Variants in GRIA4 observed in about 807,000 individuals in gnomAD.
GRIA4 encodes the protein glutamate receptor 4.
GRIA4 carries 34 observed loss-of-function variants against 104.0 expected under a neutral mutation model. That is an observed-to-expected ratio of 0.33 (90% CI 0.25 to 0.44). The LOEUF is 0.44. GRIA4 is among the 20% of genes least tolerant of loss of function. The pLI is 1.00. For missense variants in GRIA4, 750 were observed against 1,096.5 expected, an observed-to-expected ratio of 0.68 and a Z score of 4.46; for synonymous variants, 386 against 381.9, an observed-to-expected ratio of 1.01 and a Z score of -0.13.
chr11:105,861,544 T>A (rs1238239780), intron 4 of GRIA4, among the ~76,000 whole-genome samples: 1 of 151,526 alleles, frequency 6.6e-6, no homozygotes, highest in Non-Finnish European at 1.5e-5. Context: ...GAATAATGAG[T>A]CCTCAATAAA....
At chr11:105,893,652 G>T (rs1163648443) in intron 6 of GRIA4, among the ~76,000 whole-genome samples, 1 of 152,134 alleles carries the variant, frequency 6.6e-6, no homozygotes, top group African/African-American at 2.4e-5. Flanking sequence ...TGATTTTTCT[G>T]AAGGCTGCAG....
intron 4 of GRIA4, among the ~76,000 whole-genome samples, chr11:105,809,706 G>A (rs1464514062): frequency 6.6e-6 from 1 of 151,972 alleles, no homozygotes; most frequent in African/African-American, 2.4e-5. Flanking sequence ...GATTTTACGT[G>A]TCCTGAGGCC....
chr11:105,801,817 G>A (rs557315999), intron 4 of GRIA4, among the ~76,000 whole-genome samples: 1 of 152,174 alleles, frequency 6.6e-6, no homozygotes, highest in South Asian at 2.1e-4. Context: ...TTGTGCTTCT[G>A]ATCACTGAAG....
intron 3 of GRIA4, among the ~76,000 whole-genome samples, chr11:105,690,429 T>C (rs1953043070): frequency 6.6e-6 from 1 of 152,252 alleles, no homozygotes; most frequent in Admixed American, 6.5e-5. Context: ...AAATTTGCTG[T>C]GTATGGCTTA....
At chr11:105,911,781 T>C (rs1254399974) in intron 10 of GRIA4, 6 of 148,356 alleles carry the variant, frequency 4.0e-5, no homozygotes, top group Non-Finnish European at 2.8e-5. Flanking sequence ...AAGCAATATA[T>C]ATATATATAT....
chr11:105,644,146 A>C (rs1487951995), intron 3 of GRIA4, among the ~76,000 whole-genome samples: 4 of 152,210 alleles, frequency 2.6e-5, no homozygotes, highest in African/African-American at 9.6e-5. Context: ...CAACTCATCT[A>C]ATTTAAGGAG....
At chr11:105,805,311 A>C (rs1415804939) in intron 4 of GRIA4, among the ~76,000 whole-genome samples, 12 of 151,726 alleles carry the variant, frequency 7.9e-5, no homozygotes, top group Admixed American at 7.3e-4. Flanking sequence ...ATATAGATAG[A>C]AAAGGCGAAG....
intron 4 of GRIA4, among the ~76,000 whole-genome samples, chr11:105,790,382 T>C (rs559392084): frequency 6.6e-6 from 1 of 152,300 alleles, no homozygotes; most frequent in African/African-American, 2.4e-5. Flanking sequence ...AACTCTCTTT[T>C]GATCCATCAG....
At chr11:105,650,924 C>T (rs900339184) in intron 3 of GRIA4, among the ~76,000 whole-genome samples, 13 of 152,152 alleles carry the variant, frequency 8.5e-5, no homozygotes, top group African/African-American at 1.9e-4. Context: ...AAGATTATAT[C>T]GGTCAACAGG....
At chr11:105,874,424 A>G (rs968198184) in intron 5 of GRIA4, among the ~76,000 whole-genome samples, 8 of 152,088 alleles carry the variant, frequency 5.3e-5, no homozygotes, top group Non-Finnish European at 8.8e-5. Flanking sequence ...TCCATATGAA[A>G]TTTAAAGTAG....
At chr11:105,854,325 AAG>A (rs1372198391) in intron 4 of GRIA4, among the ~76,000 whole-genome samples, 1 of 152,170 alleles carries the variant, frequency 6.6e-6, no homozygotes, top group East Asian at 1.9e-4. Context: ...GTAGAAACCT[AAG>A]AACATAAAGG....
At chr11:105,860,956 GAAAA>G (rs55824302) in intron 4 of GRIA4, among the ~76,000 whole-genome samples, 10,029 of 105,782 alleles carry the variant, frequency 0.095, 398 homozygotes, top group Non-Finnish European at 0.13. Flanking sequence ...AAGACTGTCT[GAAAA>G]AAAAAAAAAA....
chr11:105,641,027 C>A (rs1779841070), intron 3 of GRIA4, among the ~76,000 whole-genome samples: 1 of 151,972 alleles, frequency 6.6e-6, no homozygotes, highest in Non-Finnish European at 1.5e-5. Context: ...ACTATGTTTA[C>A]AATCATGGAA....
At chr11:105,961,201 A>G (rs1038843313) in intron 14 of GRIA4, among the ~76,000 whole-genome samples, 2 of 152,202 alleles carry the variant, frequency 1.3e-5, no homozygotes, top group Admixed American at 6.5e-5. Flanking sequence ...ATGAATTTGC[A>G]TTGCTTTAAT....
At chr11:105,683,703 G>T (rs1461459616) in intron 3 of GRIA4, among the ~76,000 whole-genome samples, 1 of 151,970 alleles carries the variant, frequency 6.6e-6, no homozygotes, top group Admixed American at 6.6e-5. Context: ...ATCTCCTTTA[G>T]CAAGTAATAC....
chr11:105,630,784 G>A (rs1565416789), intron 3 of GRIA4, among the ~76,000 whole-genome samples: 1 of 152,048 alleles, frequency 6.6e-6, no homozygotes. Flanking sequence ...GTAGGTGACT[G>A]GTGAAGGATC....
intron 3 of GRIA4, among the ~76,000 whole-genome samples, chr11:105,658,716 C>T (rs1951915748): frequency 6.6e-6 from 1 of 151,908 alleles, no homozygotes; most frequent in African/African-American, 2.4e-5. Flanking sequence ...TAAGACTCGG[C>T]TCTGAAAGGA....
chr11:105,875,050 T>C (rs191816061), intron 5 of GRIA4, among the ~76,000 whole-genome samples: 3 of 152,308 alleles, frequency 2.0e-5, no homozygotes, highest in East Asian at 1.9e-4. Flanking sequence ...GCCTGTGCGT[T>C]TGTCATGAAT....
At chr11:105,896,781 G>A (rs1018232685) in intron 6 of GRIA4, among the ~76,000 whole-genome samples, 21 of 151,968 alleles carry the variant, frequency 1.4e-4, no homozygotes, top group African/African-American at 5.1e-4. Context: ...GTCTATTTCT[G>A]TACCAAAACC....
Sources: allele counts gnomAD v4.1 joint callset (sites outside exome capture counted in the v4.1 genomes callset), GRCh38; gene constraint gnomAD v4.1.1; transcripts MANE v1.5; gene names NCBI Gene and HGNC (gene_info 2026-07-23, HGNC 2026-07-21).